Variants in MECOM observed in about 807,000 individuals in gnomAD.
The protein encoded by MECOM is histone-lysine N-methyltransferase MECOM.
MECOM carries 13 observed loss-of-function variants against 116.3 expected under a neutral mutation model. The ratio of observed to expected loss-of-function variants is 0.11; its 90% CI spans 0.07 to 0.18. The LOEUF (loss-of-function observed/expected upper bound fraction) is 0.18. MECOM is among the 10% of genes least tolerant of loss of function. The pLI, the probability that MECOM is intolerant of heterozygous loss-of-function variation, is 1.00. For synonymous variants in MECOM, 528 were observed against 535.2 expected, an observed-to-expected ratio of 0.99 and a Z score of 0.19; for missense variants, 1,299 against 1,509.0, an observed-to-expected ratio of 0.86 and a Z score of 2.31.
At chr3:169,631,504 A>T (rs1292893498) in intron 1 of MECOM, among the ~76,000 whole-genome samples, 4 of 151,994 alleles carry the variant, frequency 2.6e-5, no homozygotes, top group African/African-American at 7.3e-5. Context: ...GTACATGTGC[A>T]CAATGTGCAG....
intron 2 of MECOM, among the ~76,000 whole-genome samples, chr3:169,167,129 C>T (rs1039501112): frequency 4.6e-5 from 7 of 152,132 alleles, no homozygotes; most frequent in East Asian, 1.9e-4. Flanking sequence ...TGCATGCTAC[C>T]GTGTCTGGCT....
At position 169,159,484 on chromosome 3, in the gene MECOM, G is replaced by A. The variant is rs184551097; in HGVS notation, c.376-15652C>T. 2.1e-3 allele frequency among the ~76,000 whole-genome samples: 316 copies of A among 152,178 alleles called. 1 individual carries two copies. The highest frequency in any genetic ancestry group is 3.0e-3 in the Admixed American group (46 of 15,284). On this transcript the variant is annotated intron_variant, in intron 2 of 16. Transcript: ENST00000651503. ...TGAGGCAGGAGAATTGCTTGAACCCGGGAGGCAGAAGTTGCGGCGAGCCAA... is the reference window on the plus strand; with the variant it reads ...TGAGGCAGGAGAATTGCTTGAACCCAGGAGGCAGAAGTTGCGGCGAGCCAA...
chr3:169,484,577 A>T (rs1448124420), intron 1 of MECOM, among the ~76,000 whole-genome samples: 1 of 152,202 alleles, frequency 6.6e-6, no homozygotes, highest in East Asian at 1.9e-4. Flanking sequence ...ACTTATATAA[A>T]CACCTCAAAG....
At chr3:169,208,227 GTA>G (rs796142431) in intron 2 of MECOM, among the ~76,000 whole-genome samples, 44 of 149,036 alleles carry the variant, frequency 3.0e-4, no homozygotes, top group African/African-American at 3.7e-4. Flanking sequence ...GTGTGTGTGT[GTA>G]TATTTATATA....
intron 2 of MECOM, among the ~76,000 whole-genome samples, chr3:169,298,782 C>G (rs919348170): frequency 6.6e-6 from 1 of 152,160 alleles, no homozygotes; most frequent in Non-Finnish European, 1.5e-5. Context: ...CTCCCCTGTA[C>G]GCACGGGGAA....
chr3:169,288,176 A>G (rs1169441420), intron 2 of MECOM, among the ~76,000 whole-genome samples: 1 of 151,898 alleles, frequency 6.6e-6, no homozygotes, highest in East Asian at 1.9e-4. Flanking sequence ...TGCTTTCTCC[A>G]TGTTTTACAC....
At chr3:169,630,750 C>T (rs1204187438) in intron 1 of MECOM, among the ~76,000 whole-genome samples, 3 of 152,166 alleles carry the variant, frequency 2.0e-5, no homozygotes, top group Non-Finnish European at 2.9e-5. Context: ...ATTTTGCTTT[C>T]ATTTTTCCCA....
chr3:169,480,631 C>T (rs79329745), intron 1 of MECOM, among the ~76,000 whole-genome samples: 1,887 of 152,216 alleles, frequency 0.012, 47 homozygotes, highest in African/African-American at 0.044. Flanking sequence ...GTGTTCTCTG[C>T]TGTGTTTGTC....
chr3:169,599,445 G>A (rs1006168161), intron 1 of MECOM, among the ~76,000 whole-genome samples: 5 of 151,346 alleles, frequency 3.3e-5, no homozygotes, highest in African/African-American at 9.7e-5. Context: ...CCCAGGAGGC[G>A]GAGGTTGCAG....
intron 2 of MECOM, among the ~76,000 whole-genome samples, chr3:169,263,899 G>A (rs1432646596): frequency 2.0e-5 from 3 of 150,938 alleles, no homozygotes; most frequent in Non-Finnish European, 4.4e-5. Flanking sequence ...TTGGTAGAAA[G>A]ATAACAAATG....
intron 2 of MECOM, among the ~76,000 whole-genome samples, chr3:169,264,320 T>C (rs1033842619): frequency 1.3e-5 from 2 of 152,278 alleles, no homozygotes; most frequent in African/African-American, 4.8e-5. Context: ...TACTTTCTTC[T>C]AGCTTTCATC....
intron 1 of MECOM, among the ~76,000 whole-genome samples, chr3:169,499,606 T>C (rs1167161327): frequency 8.3e-6 from 1 of 120,336 alleles, no homozygotes; most frequent in Non-Finnish European, 1.7e-5. Flanking sequence ...AACAATTTAC[T>C]TCGACCAGGG....
intron 2 of MECOM, among the ~76,000 whole-genome samples, chr3:169,366,936 C>T (rs779732983): frequency 1.3e-5 from 2 of 152,006 alleles, no homozygotes; most frequent in Non-Finnish European, 2.9e-5. Context: ...AAAGGAAAAC[C>T]CTAAGTGTAG....
chr3:169,294,290 A>G (rs1715169990), intron 2 of MECOM, among the ~76,000 whole-genome samples: 1 of 152,182 alleles, frequency 6.6e-6, no homozygotes, highest in South Asian at 2.1e-4. Context: ...ATTTTAAGAT[A>G]TTTTGAGAGA....
chr3:169,381,843 G>T (rs1732440417), intron 1 of MECOM, among the ~76,000 whole-genome samples: 1 of 152,146 alleles, frequency 6.6e-6, no homozygotes, highest in Non-Finnish European at 1.5e-5. Flanking sequence ...GTACAGACAA[G>T]AAGTTAAACA....
At chr3:169,437,651 G>A (rs1302103293) in intron 1 of MECOM, among the ~76,000 whole-genome samples, 1 of 152,086 alleles carries the variant, frequency 6.6e-6, no homozygotes. Flanking sequence ...AGCAAATAGG[G>A]GTAAAGCTAT....
At chr3:169,620,843 T>G (rs1313264848) in intron 1 of MECOM, among the ~76,000 whole-genome samples, 1 of 133,858 alleles carries the variant, frequency 7.5e-6, no homozygotes, top group African/African-American at 2.9e-5. Flanking sequence ...TTTATTTTCT[T>G]TTCTGTAAAA....
chr3:169,112,309 G>T (rs924349156), intron 9 of MECOM, among the ~76,000 whole-genome samples: 8 of 152,046 alleles, frequency 5.3e-5, no homozygotes, highest in African/African-American at 1.9e-4. Flanking sequence ...ACAGAGCTTT[G>T]CTGGAATGCT....
intron 2 of MECOM, among the ~76,000 whole-genome samples, chr3:169,186,486 A>G (rs1020527061): frequency 2.6e-5 from 4 of 152,082 alleles, no homozygotes; most frequent in African/African-American, 9.6e-5. Context: ...CATACATGTA[A>G]TTTGTTAATC....
Sources: allele counts gnomAD v4.1 joint callset (sites outside exome capture counted in the v4.1 genomes callset), GRCh38; gene constraint gnomAD v4.1.1; transcripts MANE v1.5; gene names NCBI Gene and HGNC (gene_info 2026-07-23, HGNC 2026-07-21).